The following TMEM132D variants were observed in gnomAD, a reference collection of about 807,000 sequenced individuals.
TMEM132D encodes the protein mature OL transmembrane protein.
Under a neutral mutation model 62.3 loss-of-function variants are expected in TMEM132D, and 21 were observed. That is an observed-to-expected ratio of 0.34 (90% CI 0.24 to 0.49). The LOEUF is 0.49. Ranked by LOEUF, TMEM132D falls within the 20% of genes least tolerant of loss-of-function variation. TMEM132D has a pLI of 0.99. For missense variants in TMEM132D, 1,346 were observed against 1,402.8 expected (o/e 0.96, Z 0.65); for synonymous variants, 621 against 575.6 (o/e 1.08, Z -1.13).
intron 1 of TMEM132D, among the ~76,000 whole-genome samples, chr12:129,878,417 C>T (rs1402528777): frequency 6.6e-6 from 1 of 152,144 alleles, no homozygotes; most frequent in Non-Finnish European, 1.5e-5. Context: ...TGTGGGTTCA[C>T]TGACTCCTGC....
intron 3 of TMEM132D, among the ~76,000 whole-genome samples, chr12:129,406,419 G>C (rs560206598): frequency 6.6e-6 from 1 of 152,264 alleles, no homozygotes; most frequent in East Asian, 1.9e-4. Flanking sequence ...AGGAGATTGA[G>C]AGCAACCTGA....
At chr12:129,117,449 T>G (rs1593267086) in intron 5 of TMEM132D, among the ~76,000 whole-genome samples, 1 of 152,204 alleles carries the variant, frequency 6.6e-6, no homozygotes, top group East Asian at 1.9e-4. Flanking sequence ...CCAGTTCAGG[T>G]CTGCCCCAAA....
intron 3 of TMEM132D, among the ~76,000 whole-genome samples, chr12:129,477,849 TAC>T (rs1049460237): frequency 6.6e-6 from 1 of 151,328 alleles, no homozygotes; most frequent in Non-Finnish European, 1.5e-5. Flanking sequence ...AATAGACACA[TAC>T]ACACACACAT....
intron 4 of TMEM132D, among the ~76,000 whole-genome samples, chr12:129,275,086 C>T (rs530546830): frequency 1.9e-4 from 29 of 152,146 alleles, no homozygotes; most frequent in Admixed American, 3.9e-4. Context: ...TTAAGACTAG[C>T]CTGGTCAACA....
chr12:129,755,351 T>C (rs928425531), intron 1 of TMEM132D, among the ~76,000 whole-genome samples: 1 of 152,244 alleles, frequency 6.6e-6, no homozygotes, highest in Non-Finnish European at 1.5e-5. Context: ...ACTGATATTC[T>C]ATTTTTACGA....
intron 1 of TMEM132D, among the ~76,000 whole-genome samples, chr12:129,832,949 C>G (rs1872888678): frequency 6.6e-6 from 1 of 152,190 alleles, no homozygotes; most frequent in Non-Finnish European, 1.5e-5. Flanking sequence ...CTCGCAATCC[C>G]CCTCTACTCC....
At chr12:129,576,197 C>T (rs1009575321) in intron 2 of TMEM132D, among the ~76,000 whole-genome samples, 1 of 151,944 alleles carries the variant, frequency 6.6e-6, no homozygotes, top group African/African-American at 2.4e-5. Flanking sequence ...CACTGACCAT[C>T]TCCGCGATAA....
intron 1 of TMEM132D, among the ~76,000 whole-genome samples, chr12:129,809,907 T>C (rs1006104550): frequency 6.6e-6 from 1 of 152,148 alleles, no homozygotes; most frequent in African/African-American, 2.4e-5. Context: ...TCTAGGAAAC[T>C]GTAGAACACA....
intron 1 of TMEM132D, among the ~76,000 whole-genome samples, chr12:129,736,235 C>A (rs577590796): frequency 5.3e-5 from 8 of 152,302 alleles, no homozygotes; most frequent in African/African-American, 1.7e-4. Flanking sequence ...ATAGATTTCT[C>A]ATTTATAACA....
intron 4 of TMEM132D, among the ~76,000 whole-genome samples, chr12:129,219,175 T>C (rs1007140612): frequency 3.3e-5 from 5 of 152,146 alleles, no homozygotes; most frequent in Admixed American, 1.3e-4. Flanking sequence ...CCATGTGTCA[T>C]GGGAGGGACC....
chr12:129,190,785 T>A (rs186654173), intron 5 of TMEM132D, among the ~76,000 whole-genome samples: 82 of 152,316 alleles, frequency 5.4e-4, no homozygotes, highest in Non-Finnish European at 1.0e-3. Flanking sequence ...TGTGTTGTTT[T>A]AAGCCACTAA....
intron 1 of TMEM132D, among the ~76,000 whole-genome samples, chr12:129,900,927 A>T (rs2137402639): frequency 6.6e-6 from 1 of 152,334 alleles, no homozygotes; most frequent in East Asian, 1.9e-4. Flanking sequence ...ATTTGTTTTT[A>T]AAAAATATCT....
intron 1 of TMEM132D, among the ~76,000 whole-genome samples, chr12:129,769,897 C>T (rs1870677809): frequency 6.6e-6 from 1 of 152,016 alleles, no homozygotes; most frequent in East Asian, 1.9e-4. Context: ...GATTTTTTTT[C>T]CCCTGGGACA....
At chr12:129,147,259 CAT>C (rs1352727867) in intron 5 of TMEM132D, among the ~76,000 whole-genome samples, 1 of 88,608 alleles carries the variant, frequency 1.1e-5, no homozygotes, top group African/African-American at 7.0e-5. Context: ...TGTATATATA[CAT>C]ATGTGCATAT....
At chr12:129,116,225 G>A (rs1425913712) in intron 5 of TMEM132D, among the ~76,000 whole-genome samples, 1 of 152,154 alleles carries the variant, frequency 6.6e-6, no homozygotes, top group Non-Finnish European at 1.5e-5. Flanking sequence ...GGTTAAGGTG[G>A]GAAGACCTGA....
chr12:129,525,074 C>T (rs187041148), intron 3 of TMEM132D, among the ~76,000 whole-genome samples: 2 of 149,152 alleles, frequency 1.3e-5, no homozygotes, highest in Non-Finnish European at 3.0e-5. Context: ...TACAGGCGCC[C>T]GCCACCACAC....
intron 1 of TMEM132D, among the ~76,000 whole-genome samples, chr12:129,710,236 T>G (rs1216231788): frequency 6.6e-6 from 1 of 152,164 alleles, no homozygotes; most frequent in Non-Finnish European, 1.5e-5. Context: ...TCCTAAGTGT[T>G]GTGTTTTCCT....
chr12:129,695,131 C>A (rs1169399214), intron 2 of TMEM132D, among the ~76,000 whole-genome samples: 1 of 152,230 alleles, frequency 6.6e-6, no homozygotes, highest in African/African-American at 2.4e-5. Context: ...CAATTAAACT[C>A]CATTGAATTT....
At chr12:129,241,633 C>A (rs758486177) in intron 4 of TMEM132D, among the ~76,000 whole-genome samples, 8 of 152,196 alleles carry the variant, frequency 5.3e-5, no homozygotes, top group Non-Finnish European at 1.0e-4. Flanking sequence ...AATAAGCCAA[C>A]CTCAACAATG....
Sources: allele counts gnomAD v4.1 joint callset (sites outside exome capture counted in the v4.1 genomes callset), GRCh38; gene constraint gnomAD v4.1.1; transcripts MANE v1.5; gene names NCBI Gene and HGNC (gene_info 2026-07-23, HGNC 2026-07-21).